ALOX5: variants seen among roughly 807,000 people sequenced by gnomAD.
The protein encoded by ALOX5 is arachidonate 5-lipoxygenase.
In ALOX5, 64 loss-of-function variants were observed where a neutral mutation model predicts 87.9. The ratio of observed to expected loss-of-function variants is 0.73; its 90% CI spans 0.60 to 0.90. The LOEUF (loss-of-function observed/expected upper bound fraction) is 0.90. Ranked by LOEUF, ALOX5 falls within the 40% of genes least tolerant of loss-of-function variation. The probability of loss-of-function intolerance (pLI) is 0.00; values close to 1 mark genes in which losing one functional copy is unlikely to be tolerated. For missense variants in ALOX5, 822 were observed against 907.5 expected (o/e 0.91, Z 1.21); for synonymous variants, 388 against 355.1 (o/e 1.09, Z -1.04).
chr10:45,391,966 C>G (rs1264556016), intron 2 of ALOX5, among the ~76,000 whole-genome samples: 1 of 151,950 alleles, frequency 6.6e-6, no homozygotes, highest in Admixed American at 6.5e-5. Context: ...CGCCCGGCAG[C>G]CACCCTGTCC....
At chr10:45,423,530 A>G (rs1241267057) in intron 4 of ALOX5, among the ~76,000 whole-genome samples, 1 of 152,184 alleles carries the variant, frequency 6.6e-6, no homozygotes, top group East Asian at 1.9e-4. Context: ...CTGCATTCTG[A>G]ATTTAGCAAG....
intron 2 of ALOX5, among the ~76,000 whole-genome samples, chr10:45,395,159 A>G (rs1840450692): frequency 6.6e-6 from 1 of 152,232 alleles, no homozygotes; most frequent in South Asian, 2.1e-4. Context: ...ATGCACACGT[A>G]TGTTTATTGC....
At chr10:45,377,448 T>A (rs537032472) in intron 1 of ALOX5, among the ~76,000 whole-genome samples, 2 of 151,240 alleles carry the variant, frequency 1.3e-5, no homozygotes, top group East Asian at 3.9e-4. Flanking sequence ...AATTTTCCTC[T>A]ACACTCTGTC....
At chr10:45,394,658 G>A (rs1840432157) in intron 2 of ALOX5, among the ~76,000 whole-genome samples, 1 of 152,116 alleles carries the variant, frequency 6.6e-6, no homozygotes, top group African/African-American at 2.4e-5. Context: ...TACCATCAGA[G>A]TGAACAGGCA....
rs1487633638 is a variant in ALOX5 at position 45,440,564 on chromosome 10, A to G, written c.1116A>G (p.Thr372=). ...AGACCATCACCCACCTTCTGCGAAC[A>G]CATCTGGTGTCTGAGGTTTTTGGCA... ...VHQTITHLLR[T]HLVSEVFGIA... is the part of the protein sequence containing the mutation. Residue 372 remains threonine (T), a synonymous_variant, in exon 8 of 14, where the codon ACA becomes ACG. Transcript: ENST00000374391. The G allele has an allele frequency of 6.8e-6, 11 of 1,614,106 alleles. No homozygotes were observed. Among genetic ancestry groups the G allele is most frequent in the Non-Finnish European group, 9.3e-6 (11 of 1,180,010 alleles).
chr10:45,395,741 A>G lies in ALOX5; in HGVS notation c.350-114A>G, dbSNP rs11239509. ...AGTGCTCTGAGGCTCAAATGAGGTC[A>G]TGCACATAAAGCACTCGGCATGGGC... On this transcript the variant is annotated intron_variant, in intron 2 of 13. Coordinates refer to ENST00000374391, the MANE Select transcript of ALOX5 (RefSeq NM_000698.5). The G allele has an allele frequency of 0.022, 18,063 of 817,232 alleles. 2,300 individuals are homozygous for G. In the African/African-American group the frequency reaches 0.27, roughly 12 times the overall value. The allele number at this position is 817,232 out of a possible 1,614,324, so 50.6% of individuals were successfully genotyped here.
At chr10:45,392,010 C>A (rs976325613) in intron 2 of ALOX5, among the ~76,000 whole-genome samples, 1 of 151,418 alleles carries the variant, frequency 6.6e-6, no homozygotes, top group Admixed American at 6.6e-5. Flanking sequence ...GCCCCCCGCC[C>A]GGCCAGCCGC....
rs778794980 is a variant in ALOX5 at position 45,441,325 on chromosome 10, C to CCT, written c.1186-17_1186-16dup. 4 of 1,611,680 alleles carry CCT rather than the reference C, an allele frequency of 2.5e-6. No homozygotes were observed. In the South Asian group the frequency reaches 4.4e-5, roughly 18 times the overall value. ...CCTGACTGGGCCCCCTCTGAGGCCT[C>CCT]CTCCTCTCCCCTCCCCAGCTGCTGG... is the stretch of plus-strand genomic sequence containing the variant. On this transcript the variant is annotated intron_variant, in intron 8 of 13. Transcript: ENST00000374391.
chr10:45,414,524 A>G (rs1013721451), intron 4 of ALOX5, among the ~76,000 whole-genome samples: 63 of 152,210 alleles, frequency 4.1e-4, no homozygotes, highest in Non-Finnish European at 8.2e-4. Context: ...GGACATAGGC[A>G]TGGGCAAGGA....
chr10:45,391,666 G>T (rs1002705744), intron 2 of ALOX5, among the ~76,000 whole-genome samples: 28 of 150,526 alleles, frequency 1.9e-4, no homozygotes, highest in Admixed American at 1.8e-3. Flanking sequence ...CTGCCTGGCC[G>T]CCCATCGTCT....
intron 7 of ALOX5, among the ~76,000 whole-genome samples, chr10:45,438,260 G>GA (rs1842119887): frequency 6.6e-6 from 1 of 152,060 alleles, no homozygotes; most frequent in African/African-American, 2.4e-5. Context: ...TTTTTAGGGG[G>GA]ATTGCTTCCA....
In ALOX5 at chr10:45,443,070, G is replaced by C. The variant is rs1164355853; in HGVS notation, c.1305G>C (p.Gln435His). The C allele has an allele frequency of 6.2e-7, 1 of 1,613,456 alleles. No homozygotes were observed. Among genetic ancestry groups the C allele is most frequent in the Non-Finnish European group, 8.5e-7 (1 of 1,179,926 alleles). Residue 435 changes from glutamine to histidine, a missense_variant, in exon 10 of 14, where the codon CAG becomes CAC. Physicochemically the swap from Gln to His is conservative, Grantham distance 24 (BLOSUM62 0). Coordinates refer to ENST00000374391, the MANE Select transcript of ALOX5 (RefSeq NM_000698.5). Reference protein sequence around the residue: ...ANATGGGGHVQMVQRAMKDLT... With the variant: ...ANATGGGGHVHMVQRAMKDLT... Reference sequence around the variant, plus strand: ...CCACAGGGGGCGGTGGGCACGTGCAGATGGTGCAGAGGGCCATGAAGGACC... The same window carrying C: ...CCACAGGGGGCGGTGGGCACGTGCACATGGTGCAGAGGGCCATGAAGGACC...
chr10:45,422,841 A>C (rs1841551106), intron 4 of ALOX5, among the ~76,000 whole-genome samples: 1 of 152,180 alleles, frequency 6.6e-6, no homozygotes, highest in Admixed American at 6.5e-5. Flanking sequence ...CGGAGGCTAG[A>C]AGTCCAAGAT....
At chr10:45,374,491 C>A in intron 1 of ALOX5, 62 bp downstream of exon 1, 1 of 1,387,624 alleles carries the variant, frequency 7.2e-7, no homozygotes, top group South Asian at 1.6e-5. Context: ...CCGGTTTGGA[C>A]GGCAGAGGCC....
At chr10:45,426,972 C>G (rs918612421) in intron 6 of ALOX5, among the ~76,000 whole-genome samples, 17 of 152,230 alleles carry the variant, frequency 1.1e-4, no homozygotes, top group African/African-American at 3.9e-4. Flanking sequence ...CTCACTGATT[C>G]TGTGAGCCAG....
intron 7 of ALOX5, among the ~76,000 whole-genome samples, chr10:45,437,873 C>T (rs1589045673): frequency 6.6e-6 from 1 of 152,214 alleles, no homozygotes; most frequent in Admixed American, 6.5e-5. Flanking sequence ...GGTGTGCTCT[C>T]GCCATTGTTC....
intron 2 of ALOX5, among the ~76,000 whole-genome samples, chr10:45,387,190 C>G (rs1840038989): frequency 6.6e-6 from 1 of 152,206 alleles, no homozygotes; most frequent in Admixed American, 6.5e-5. Flanking sequence ...GCTTCAGTGA[C>G]AGAGCCCAAG....
intron 2 of ALOX5, among the ~76,000 whole-genome samples, chr10:45,390,850 A>C (rs571848101): frequency 6.6e-6 from 1 of 152,360 alleles, no homozygotes; most frequent in African/African-American, 2.4e-5. Flanking sequence ...TCAGAGCAGA[A>C]CTGAAGGAGG....
At chr10:45,409,767 G>A (rs942111432) in intron 3 of ALOX5, among the ~76,000 whole-genome samples, 15 of 152,314 alleles carry the variant, frequency 9.8e-5, no homozygotes, top group African/African-American at 3.4e-4. Context: ...GCAGGCCTTC[G>A]GCTCCTGTGC....
Sources: allele counts gnomAD v4.1 joint callset (sites outside exome capture counted in the v4.1 genomes callset), GRCh38; gene constraint gnomAD v4.1.1; transcripts MANE v1.5; gene names NCBI Gene and HGNC (gene_info 2026-07-23, HGNC 2026-07-21).